STXBP5L: variants seen among roughly 807,000 people sequenced by gnomAD.
The protein encoded by STXBP5L is syntaxin binding protein 5L.
A neutral mutation model predicts 144.5 loss-of-function variants in STXBP5L; 65 were observed. That is an observed-to-expected ratio of 0.45 (90% CI 0.37 to 0.55). The LOEUF (loss-of-function observed/expected upper bound fraction) is 0.55, where lower values mean the gene tolerates loss of function less well. Ranked by LOEUF, STXBP5L falls within the 20% of genes least tolerant of loss-of-function variation. STXBP5L has a pLI of 0.00. For missense variants in STXBP5L, 1,298 were observed against 1,405.5 expected, an observed-to-expected ratio of 0.92 and a Z score of 1.22; for synonymous variants, 505 against 469.6, an observed-to-expected ratio of 1.08 and a Z score of -0.97.
chr3:121,377,507 C>T (rs1041778981), intron 20 of STXBP5L, among the ~76,000 whole-genome samples: 1 of 152,064 alleles, frequency 6.6e-6, no homozygotes, highest in African/African-American at 2.4e-5. Context: ...ACAGCCCCAT[C>T]AAAAAGTGGG....
intron 7 of STXBP5L, among the ~76,000 whole-genome samples, chr3:121,151,163 A>G (rs1228522663): frequency 3.9e-5 from 6 of 152,064 alleles, no homozygotes; most frequent in Non-Finnish European, 7.4e-5. Context: ...AAAAAAATCA[A>G]TTTGAAGTTA....
At chr3:121,166,860 A>G (rs185438827) in intron 9 of STXBP5L, among the ~76,000 whole-genome samples, 7 of 152,334 alleles carry the variant, frequency 4.6e-5, no homozygotes, top group African/African-American at 7.2e-5. Context: ...AAGTGAAATA[A>G]TAGCATATAA....
At chr3:120,992,159 A>T (rs886857499) in intron 3 of STXBP5L, among the ~76,000 whole-genome samples, 2 of 151,962 alleles carry the variant, frequency 1.3e-5, no homozygotes, top group South Asian at 2.1e-4. Context: ...TTATTTATTT[A>T]TTTTTAGATT....
intron 18 of STXBP5L, among the ~76,000 whole-genome samples, chr3:121,265,035 A>T (rs2050515626): frequency 1.3e-5 from 2 of 152,160 alleles, no homozygotes; most frequent in Admixed American, 1.3e-4. Context: ...GGAGACTTTT[A>T]CACCCCACTG....
At chr3:121,121,372 C>T (rs1312316448) in intron 6 of STXBP5L, among the ~76,000 whole-genome samples, 2 of 151,182 alleles carry the variant, frequency 1.3e-5, no homozygotes, top group Non-Finnish European at 3.0e-5. Flanking sequence ...TGACAACAAA[C>T]GTTTCAAATA....
intron 18 of STXBP5L, among the ~76,000 whole-genome samples, chr3:121,272,853 G>T (rs184991387): frequency 8.5e-5 from 13 of 152,066 alleles, no homozygotes; most frequent in African/African-American, 2.6e-4. Context: ...ATTTAGAAAT[G>T]ATAACAACTC....
At chr3:121,297,184 T>C (rs1699966) in intron 19 of STXBP5L, among the ~76,000 whole-genome samples, 119,386 of 151,332 alleles carry the variant, frequency 0.79, 47,195 homozygotes, top group East Asian at 0.93. Flanking sequence ...TAGCAGAATC[T>C]GAATGATTCT....
intron 5 of STXBP5L, among the ~76,000 whole-genome samples, chr3:121,091,975 G>A (rs538417460): frequency 6.6e-6 from 1 of 152,044 alleles, no homozygotes; most frequent in African/African-American, 2.4e-5. Context: ...AAGGGATCCA[G>A]TTTCAGCTTT....
In STXBP5L at chr3:121,255,019, G is replaced by T; in HGVS notation, c.1566G>T (p.Trp522Cys). The T allele has an allele frequency of 6.2e-7, 1 of 1,613,536 alleles. No homozygotes were observed. The highest frequency in any genetic ancestry group is 8.5e-7 in the Non-Finnish European group (1 of 1,179,684). Residue 522 changes from tryptophan to cysteine, a missense_variant, in exon 16 of 27, where the codon TGG becomes TGT. Transcript: ENST00000471454. ...CATTTGCCATTCAGATGATTTACTGGTGTCCAGAGAGCAGAATATTCTGTG... is the reference window on the plus strand; with the variant it reads ...CATTTGCCATTCAGATGATTTACTGTTGTCCAGAGAGCAGAATATTCTGTG... ...EDPFAIQMIY[W>C]CPESRIFCVS... is the part of the protein sequence containing the mutation.
intron 22 of STXBP5L, among the ~76,000 whole-genome samples, chr3:121,394,260 A>G (rs1344043166): frequency 6.6e-6 from 1 of 152,168 alleles, no homozygotes; most frequent in Non-Finnish European, 1.5e-5. Context: ...ATTTTTATAC[A>G]TTGATTTTTA....
chr3:121,171,649 G>A (rs969809414), intron 9 of STXBP5L, among the ~76,000 whole-genome samples: 1 of 152,156 alleles, frequency 6.6e-6, no homozygotes, highest in African/African-American at 2.4e-5. Flanking sequence ...CAAGGGATGT[G>A]TAAGACCTCT....
At chr3:121,287,570 C>T (rs2051274059) in intron 19 of STXBP5L, among the ~76,000 whole-genome samples, 1 of 151,796 alleles carries the variant, frequency 6.6e-6, no homozygotes, top group Non-Finnish European at 1.5e-5. Context: ...GTGGCTCATG[C>T]CTGTAATCCC....
At chr3:120,990,949 G>A (rs1412105165) in intron 3 of STXBP5L, among the ~76,000 whole-genome samples, 85 of 152,314 alleles carry the variant, frequency 5.6e-4, no homozygotes, top group Middle Eastern at 3.4e-3. Context: ...AACACCAAAA[G>A]CAATGGCAAC....
At chr3:121,357,056 A>C (rs2045540413) in intron 20 of STXBP5L, 1 of 194,338 alleles carries the variant, frequency 5.1e-6, no homozygotes, top group African/African-American at 2.4e-5. Context: ...ATCATACCCA[A>C]ATTGCCCTTG....
At position 121,321,707 on chromosome 3, in the gene STXBP5L, T is replaced by C. The variant is rs569971638; in HGVS notation, c.2176+3167T>C. On this transcript the variant is annotated intron_variant, in intron 20 of 26. Coordinates refer to ENST00000471454, the MANE Select transcript of STXBP5L (RefSeq NM_001308330.2). Reference sequence around the variant, plus strand: ...AGTAGTTACCTCCCCTGTAGGTATCTGTTTGGGAATCTCAGCTCTCACCCC... The same window carrying C: ...AGTAGTTACCTCCCCTGTAGGTATCCGTTTGGGAATCTCAGCTCTCACCCC... Among the ~76,000 whole-genome samples the C allele has an allele frequency of 2.6e-5, 4 of 152,332 alleles. No individual in the cohort carries two copies. The South Asian group carries it at 8.3e-4, about 32-fold the overall frequency.
chr3:121,194,976 C>T (rs943980249), intron 9 of STXBP5L, among the ~76,000 whole-genome samples: 2 of 125,654 alleles, frequency 1.6e-5, no homozygotes, highest in African/African-American at 3.1e-5. Flanking sequence ...AGTGCAGTGG[C>T]GAGATCTTGG....
At chr3:121,411,471 A>C (rs941253463) in intron 23 of STXBP5L, among the ~76,000 whole-genome samples, 3 of 152,128 alleles carry the variant, frequency 2.0e-5, no homozygotes, top group Admixed American at 6.6e-5. Flanking sequence ...GCATTAAAGG[A>C]CTGATTAAAA....
chr3:121,339,459 C>T (rs2044627702), intron 20 of STXBP5L, among the ~76,000 whole-genome samples: 1 of 152,034 alleles, frequency 6.6e-6, no homozygotes, highest in Non-Finnish European at 1.5e-5. Context: ...CAACATCATA[C>T]AGAATAGGAA....
At chr3:121,130,448 C>T (rs147115090) in intron 7 of STXBP5L, among the ~76,000 whole-genome samples, 178 of 152,228 alleles carry the variant, frequency 1.2e-3, no homozygotes, top group African/African-American at 4.2e-3. Context: ...ATTAGATGTA[C>T]ACCGAGCCCA....
Sources: allele counts gnomAD v4.1 joint callset (sites outside exome capture counted in the v4.1 genomes callset), GRCh38; gene constraint gnomAD v4.1.1; transcripts MANE v1.5; gene names NCBI Gene and HGNC (gene_info 2026-07-23, HGNC 2026-07-21).